CADPS2: variants seen among roughly 807,000 people sequenced by gnomAD.
CADPS2 encodes calcium-dependent secretion activator 2.
Under a neutral mutation model 172.5 loss-of-function variants are expected in CADPS2, and 93 were observed. The observed-to-expected ratio is 0.54, with a 90% CI of 0.46 to 0.64. The LOEUF is 0.64. Ranked by LOEUF, CADPS2 falls within the 30% of genes least tolerant of loss-of-function variation. CADPS2 has a pLI of 0.00. For missense variants in CADPS2, 1,420 were observed against 1,565.9 expected (o/e 0.91, Z 1.57); for synonymous variants, 546 against 555.2 (o/e 0.98, Z 0.23).
At chr7:122,861,744 T>C (rs989440545) in intron 1 of CADPS2, among the ~76,000 whole-genome samples, 1 of 152,268 alleles carries the variant, frequency 6.6e-6, no homozygotes, top group Non-Finnish European at 1.5e-5. Context: ...GATTCGATCA[T>C]TACGCACTAT....
intron 29 of CADPS2, among the ~76,000 whole-genome samples, chr7:122,322,880 G>C (rs964098241): frequency 2.6e-5 from 4 of 152,222 alleles, no homozygotes; most frequent in African/African-American, 9.6e-5. Context: ...CCTGTGAGTA[G>C]TAAGGACAAG....
chr7:122,575,882 G>A (rs1296596397), intron 7 of CADPS2, among the ~76,000 whole-genome samples: 2 of 152,186 alleles, frequency 1.3e-5, no homozygotes, highest in African/African-American at 4.8e-5. Flanking sequence ...TGCAAAGATA[G>A]TATAGAGACT....
chr7:122,643,507 T>C (rs2077925971), intron 3 of CADPS2, among the ~76,000 whole-genome samples: 1 of 152,220 alleles, frequency 6.6e-6, no homozygotes, highest in African/African-American at 2.4e-5. Flanking sequence ...GCCTCTCGCT[T>C]TGAGTTTCAG....
Position 122,513,243 on chromosome 7 carries a change from A to T in CADPS2, c.1542+6T>A. On this transcript the variant is annotated splice_donor_region_variant and intron_variant, in intron 9 of 29. Coordinates refer to ENST00000449022, the MANE Select transcript of CADPS2 (RefSeq NM_017954.11). ...AGTGATTATTTAACAGGAAAAAATGACTAACCTGAACTAGAACAAAGTAAC... is the reference window on the plus strand; with the variant it reads ...AGTGATTATTTAACAGGAAAAAATGTCTAACCTGAACTAGAACAAAGTAAC... The T allele has an allele frequency of 6.4e-7, 1 of 1,551,158 alleles. No individual in the cohort carries two copies. The highest frequency in any genetic ancestry group is 8.7e-7 in the Non-Finnish European group (1 of 1,143,880).
intron 14 of CADPS2, among the ~76,000 whole-genome samples, chr7:122,468,036 C>T (rs1479300860): frequency 6.6e-6 from 1 of 152,156 alleles, no homozygotes; most frequent in Non-Finnish European, 1.5e-5. Flanking sequence ...TTCTGAAACA[C>T]TCAGAGTGCT....
chr7:122,616,128 G>GT (rs2074885204), intron 5 of CADPS2, among the ~76,000 whole-genome samples: 1 of 151,984 alleles, frequency 6.6e-6, no homozygotes, highest in African/African-American at 2.4e-5. Flanking sequence ...TTACCATAGC[G>GT]TTTTCAATCA....
rs188303044 is a variant in CADPS2 at position 122,502,290 on chromosome 7, G to T, written c.1543-10870C>A. 8.4e-3 allele frequency among the ~76,000 whole-genome samples: 1,272 copies of T among 151,932 alleles called. 11 individuals are homozygous for T. The highest frequency in any genetic ancestry group is 0.023 in the South Asian group (112 of 4,800). On this transcript the variant is annotated intron_variant, in intron 9 of 29. Transcript: ENST00000449022. ...TTTTTCTCTTAAATTTCACTAACTA[G>T]GTCTGAAATTAATATTGTCATCCCT...
chr7:122,396,953 T>C (rs1156747109), intron 20 of CADPS2, among the ~76,000 whole-genome samples: 1 of 152,224 alleles, frequency 6.6e-6, no homozygotes, highest in Non-Finnish European at 1.5e-5. Flanking sequence ...GCTAAGATTA[T>C]TACATTATTA....
At chr7:122,543,606 T>C (rs1310028574) in intron 8 of CADPS2, among the ~76,000 whole-genome samples, 1 of 151,984 alleles carries the variant, frequency 6.6e-6, no homozygotes, top group Non-Finnish European at 1.5e-5. Flanking sequence ...GTGAGACAAA[T>C]AGGAGGGTGG....
chr7:122,714,813 G>A (rs2089350059), intron 2 of CADPS2, among the ~76,000 whole-genome samples: 1 of 152,122 alleles, frequency 6.6e-6, no homozygotes, highest in Non-Finnish European at 1.5e-5. Flanking sequence ...GTTCCGATTT[G>A]AGTCTTTACT....
chr7:122,564,802 T>G (rs1208116487), intron 7 of CADPS2, among the ~76,000 whole-genome samples: 1 of 151,286 alleles, frequency 6.6e-6, no homozygotes, highest in Non-Finnish European at 1.5e-5. Flanking sequence ...AATTTTTAAT[T>G]GCATAAACAT....
At chr7:122,694,194 T>C (rs1195163606) in intron 2 of CADPS2, among the ~76,000 whole-genome samples, 2 of 152,192 alleles carry the variant, frequency 1.3e-5, no homozygotes, top group African/African-American at 4.8e-5. Context: ...CAATTGCTTC[T>C]AGGCTGAAGC....
chr7:122,393,676 T>A (rs2044693770), intron 20 of CADPS2, 94 bp from the exon 21 acceptor site: 2 of 1,297,268 alleles, frequency 1.5e-6, no homozygotes, highest in Non-Finnish European at 2.2e-6. Context: ...TGAGAGAGTC[T>A]GACACAGAAG....
At chr7:122,724,326 T>A (rs1159592896) in intron 2 of CADPS2, among the ~76,000 whole-genome samples, 1 of 151,982 alleles carries the variant, frequency 6.6e-6, no homozygotes, top group Non-Finnish European at 1.5e-5. Flanking sequence ...CTTAAAAAAA[T>A]TCACTTAATT....
chr7:122,603,767 T>C (rs1587755875), intron 6 of CADPS2, among the ~76,000 whole-genome samples: 1 of 152,274 alleles, frequency 6.6e-6, no homozygotes. Flanking sequence ...GTCATTAACA[T>C]TTTAAAACCT....
intron 12 of CADPS2, among the ~76,000 whole-genome samples, chr7:122,475,202 T>C (rs570420505): frequency 6.6e-6 from 1 of 152,258 alleles, no homozygotes; most frequent in Admixed American, 6.5e-5. Flanking sequence ...GCTTTTATGA[T>C]TGCTTTCATT....
chr7:122,817,553 G>A (rs1027843390), intron 1 of CADPS2, among the ~76,000 whole-genome samples: 1 of 152,064 alleles, frequency 6.6e-6, no homozygotes, highest in African/African-American at 2.4e-5. Context: ...ACGCCTCTCT[G>A]ATTATTCACC....
intron 3 of CADPS2, among the ~76,000 whole-genome samples, chr7:122,642,272 T>C (rs1311721541): frequency 4.0e-5 from 5 of 123,914 alleles, no homozygotes; most frequent in East Asian, 2.5e-4. Flanking sequence ...ACAGTGAGAC[T>C]CCATCTCAAA....
At chr7:122,607,269 A>G (rs1231099170) in intron 6 of CADPS2, among the ~76,000 whole-genome samples, 2 of 152,170 alleles carry the variant, frequency 1.3e-5, no homozygotes, top group African/African-American at 4.8e-5. Context: ...GTACCTGAAC[A>G]TGTTATTTAA....
Sources: gnomAD v4.1 joint callset for allele counts (sites outside exome capture counted in the v4.1 genomes callset) on GRCh38, gnomAD v4.1.1 for gene constraint, MANE v1.5 for transcripts, NCBI Gene and HGNC (gene_info 2026-07-23, HGNC 2026-07-21) for gene names.